SCHIP1: variants seen among roughly 807,000 people sequenced by gnomAD.
SCHIP1 encodes the protein schwannomin interacting protein 1, also known as schwannomin-interacting protein 1.
A neutral mutation model predicts 29.7 loss-of-function variants in SCHIP1; 8 were observed. The ratio of observed to expected loss-of-function variants is 0.27; its 90% CI spans 0.16 to 0.49. The LOEUF (loss-of-function observed/expected upper bound fraction) is 0.49, where lower values mean the gene tolerates loss of function less well. Among genes scored for constraint, SCHIP1 ranks in the 20% least tolerant of loss-of-function variants. SCHIP1 has a pLI of 0.99. For synonymous variants in SCHIP1, 76 were observed against 94.9 expected (o/e 0.80, Z 1.16); for missense variants, 193 against 294.6 (o/e 0.66, Z 2.52).
At chr3:159,762,658 G>A in the SCHIP1 span, among the ~76,000 whole-genome samples, 1 of 152,162 alleles carries the variant, frequency 6.6e-6, no homozygotes, top group Admixed American at 6.5e-5. Context: ...TAGTTTCCCA[G>A]TTCTTACAGG....
At chr3:159,493,236 A>T in the SCHIP1 span, among the ~76,000 whole-genome samples, 1 of 152,342 alleles carries the variant, frequency 6.6e-6, no homozygotes, top group Admixed American at 6.5e-5. Flanking sequence ...GACAGGATCA[A>T]ATTCACACAT....
At chr3:159,693,967 C>T in the SCHIP1 span, among the ~76,000 whole-genome samples, 16 of 152,268 alleles carry the variant, frequency 1.1e-4, no homozygotes, top group South Asian at 1.0e-3. Context: ...CTTGAATCCT[C>T]GCTTTGTACT....
chr3:159,340,311 G>GT, the SCHIP1 span, among the ~76,000 whole-genome samples: 2 of 151,928 alleles, frequency 1.3e-5, no homozygotes, highest in African/African-American at 2.4e-5. Flanking sequence ...ACAGAAAAAT[G>GT]ATGTGATTTT....
the SCHIP1 span, among the ~76,000 whole-genome samples, chr3:159,289,886 A>T: frequency 0.018 from 2,699 of 152,304 alleles, 68 homozygotes; most frequent in African/African-American, 0.062. Flanking sequence ...GATAGACGGA[A>T]AATCTTGGGA....
At chr3:159,890,427 C>T (rs554171840) in intron 5 of SCHIP1, among the ~76,000 whole-genome samples, 1 of 152,252 alleles carries the variant, frequency 6.6e-6, no homozygotes, top group African/African-American at 2.4e-5. Context: ...TAAAAGGCTA[C>T]ACAAGAGCAC....
the SCHIP1 span, among the ~76,000 whole-genome samples, chr3:159,393,427 T>G: frequency 6.6e-6 from 1 of 151,968 alleles, no homozygotes; most frequent in African/African-American, 2.4e-5. Flanking sequence ...GGTTTTCTTC[T>G]AGGGTTTTTA....
chr3:159,553,997 TG>T, the SCHIP1 span, among the ~76,000 whole-genome samples: 3 of 125,374 alleles, frequency 2.4e-5, no homozygotes, highest in African/African-American at 1.2e-4. Flanking sequence ...TGTGTGTGTG[TG>T]TGTGTGTGTG....
the SCHIP1 span, among the ~76,000 whole-genome samples, chr3:159,584,385 G>A: frequency 1.3e-5 from 2 of 152,184 alleles, no homozygotes; most frequent in African/African-American, 2.4e-5. Flanking sequence ...GCTATTTAAC[G>A]TTATCTTTCA....
At chr3:159,351,242 G>T in the SCHIP1 span, among the ~76,000 whole-genome samples, 1 of 152,106 alleles carries the variant, frequency 6.6e-6, no homozygotes, top group South Asian at 2.1e-4. Flanking sequence ...AGGCAATATT[G>T]CAGTGTCCCA....
chr3:159,560,314 A>T, the SCHIP1 span, among the ~76,000 whole-genome samples: 2 of 152,276 alleles, frequency 1.3e-5, no homozygotes, highest in Non-Finnish European at 2.9e-5. Context: ...CTGAGTAGGG[A>T]GTTACTATTG....
chr3:159,711,942 TTGC>T, the SCHIP1 span, among the ~76,000 whole-genome samples: 1,616 of 151,212 alleles, frequency 0.011, 15 homozygotes, highest in Middle Eastern at 0.038. Flanking sequence ...TAGGAAGATA[TTGC>T]TGCTGCTGCT....
chr3:159,848,630 T>C (rs1016377359), intron 1 of SCHIP1, among the ~76,000 whole-genome samples: 2 of 152,100 alleles, frequency 1.3e-5, no homozygotes, highest in African/African-American at 4.8e-5. Flanking sequence ...GCAACCCTTC[T>C]ACACTTTAAG....
chr3:159,672,951 C>T, the SCHIP1 span, among the ~76,000 whole-genome samples: 7 of 152,166 alleles, frequency 4.6e-5, no homozygotes, highest in African/African-American at 1.4e-4. Context: ...ATACAACATG[C>T]CCCTCCCTAT....
chr3:159,887,545 T>G (rs1275948572), intron 3 of SCHIP1, 163 bp from the exon 5 acceptor site: 10 of 733,384 alleles, frequency 1.4e-5, no homozygotes, highest in Non-Finnish European at 2.1e-5. Context: ...AACTAGACCC[T>G]TTTTCTGTTA....
At chr3:159,803,177 A>G in the SCHIP1 span, among the ~76,000 whole-genome samples, 748 of 150,646 alleles carry the variant, frequency 5.0e-3, 8 homozygotes, top group African/African-American at 0.017. Flanking sequence ...AAAGGTGTGT[A>G]TGTGTGTGTG....
chr3:159,605,299 C>T, the SCHIP1 span, among the ~76,000 whole-genome samples: 873 of 152,266 alleles, frequency 5.7e-3, 12 homozygotes, highest in African/African-American at 0.02. Flanking sequence ...TTCACAGTGC[C>T]ACATGCACAG....
chr3:159,302,547 G>T, the SCHIP1 span, among the ~76,000 whole-genome samples: 1 of 152,064 alleles, frequency 6.6e-6, no homozygotes, highest in African/African-American at 2.4e-5. Flanking sequence ...GTCCAAAAGG[G>T]GATTTATTTA....
At chr3:159,534,653 C>T in the SCHIP1 span, among the ~76,000 whole-genome samples, 22 of 152,092 alleles carry the variant, frequency 1.4e-4, no homozygotes, top group Admixed American at 5.2e-4. Flanking sequence ...CTTCCTGACA[C>T]GTTCCACTGA....
At chr3:159,688,913 T>G in the SCHIP1 span, among the ~76,000 whole-genome samples, 348 of 152,278 alleles carry the variant, frequency 2.3e-3, 2 homozygotes, top group African/African-American at 8.0e-3. Flanking sequence ...GTTGTAGATG[T>G]GTGGTGTTAT....
Sources: gnomAD v4.1 joint callset for allele counts (sites outside exome capture counted in the v4.1 genomes callset) on GRCh38, gnomAD v4.1.1 for gene constraint, MANE v1.5 for transcripts, NCBI Gene and HGNC (gene_info 2026-07-23, HGNC 2026-07-21) for gene names.